ROBO2: variants seen among roughly 807,000 people sequenced by gnomAD.
The protein encoded by ROBO2 is roundabout homolog 2.
In ROBO2, 53 loss-of-function variants were observed where a neutral mutation model predicts 160.8. The ratio of observed to expected loss-of-function variants is 0.33; its 90% CI spans 0.26 to 0.41. The LOEUF is 0.41. Ranked by LOEUF, ROBO2 falls within the 10% of genes least tolerant of loss-of-function variation. The pLI, the probability that ROBO2 is intolerant of heterozygous loss-of-function variation, is 1.00. For missense variants in ROBO2, 1,577 were observed against 1,722.4 expected, an observed-to-expected ratio of 0.92 and a Z score of 1.49; for synonymous variants, 664 against 611.7, an observed-to-expected ratio of 1.09 and a Z score of -1.26.
intron 2 of ROBO2, among the ~76,000 whole-genome samples, chr3:76,020,513 C>G (rs2066543631): frequency 6.6e-6 from 1 of 151,386 alleles, no homozygotes; most frequent in Non-Finnish European, 1.5e-5. Context: ...TAATAGTTAC[C>G]ATGAAATTTT....
chr3:75,935,855 T>C (rs1033470354), intron 1 of ROBO2, among the ~76,000 whole-genome samples: 8 of 152,306 alleles, frequency 5.3e-5, no homozygotes, highest in African/African-American at 1.9e-4. Flanking sequence ...GAAATCGTCC[T>C]GTTTTGTCTC....
intron 16 of ROBO2, among the ~76,000 whole-genome samples, chr3:77,585,575 CA>C (rs2094024740): frequency 6.6e-6 from 1 of 151,928 alleles, no homozygotes; most frequent in African/African-American, 2.4e-5. Context: ...ATGCTGTACT[CA>C]AAATGTAATT....
chr3:76,624,148 A>G (rs182740174), intron 2 of ROBO2, among the ~76,000 whole-genome samples: 351 of 152,360 alleles, frequency 2.3e-3, no homozygotes, highest in African/African-American at 8.2e-3. Flanking sequence ...CTAATGTATT[A>G]ATTTCAACCA....
intron 2 of ROBO2, among the ~76,000 whole-genome samples, chr3:77,126,782 CTTTTTTTTTTTTT>C (rs11365042): frequency 1.3e-4 from 8 of 62,640 alleles, no homozygotes; most frequent in Non-Finnish European, 1.9e-4. Context: ...TTTGAAACTT[CTTTTTTTTTTTTT>C]TTTTTTTTTT....
At chr3:77,120,591 T>C (rs2074656380) in intron 2 of ROBO2, among the ~76,000 whole-genome samples, 1 of 152,214 alleles carries the variant, frequency 6.6e-6, no homozygotes, top group Admixed American at 6.5e-5. Flanking sequence ...TATGCTCATT[T>C]TAGCAGTTGC....
At chr3:76,487,308 C>G (rs1436468061) in intron 2 of ROBO2, among the ~76,000 whole-genome samples, 1 of 151,816 alleles carries the variant, frequency 6.6e-6, no homozygotes, top group Admixed American at 6.6e-5. Flanking sequence ...GCTTTCTGTC[C>G]CGTCACATCC....
intron 18 of ROBO2, among the ~76,000 whole-genome samples, chr3:77,595,784 T>C (rs141843549): frequency 6.6e-5 from 10 of 152,280 alleles, no homozygotes; most frequent in African/African-American, 1.7e-4. Flanking sequence ...AGTTTGTGGA[T>C]GTAGCAAGAA....
At chr3:76,689,182 T>G (rs2092747374) in intron 2 of ROBO2, among the ~76,000 whole-genome samples, 1 of 152,092 alleles carries the variant, frequency 6.6e-6, no homozygotes, top group South Asian at 2.1e-4. Context: ...TTCAATTATG[T>G]TTCAGAAATA....
intron 1 of ROBO2, among the ~76,000 whole-genome samples, chr3:77,087,590 T>A (rs1291482519): frequency 6.6e-6 from 1 of 152,050 alleles, no homozygotes; most frequent in Non-Finnish European, 1.5e-5. Context: ...AGTAGAAGAG[T>A]AATTTGTTAT....
At chr3:76,238,678 C>T (rs1218467022) in intron 2 of ROBO2, among the ~76,000 whole-genome samples, 1 of 151,490 alleles carries the variant, frequency 6.6e-6, no homozygotes, top group African/African-American at 2.4e-5. Flanking sequence ...AGGAAAACCA[C>T]CTCCATGATC....
intron 2 of ROBO2, among the ~76,000 whole-genome samples, chr3:76,788,686 A>G (rs2063153643): frequency 6.6e-6 from 1 of 151,590 alleles, no homozygotes; most frequent in African/African-American, 2.4e-5. Context: ...TGGAATATCT[A>G]TACAGTAGAA....
In ROBO2 at chr3:76,580,328, GT is replaced by G. The variant is rs748888426; in HGVS notation, c.110-517675del. Among the ~76,000 whole-genome samples the G allele has an allele frequency of 1.6e-3, 108 of 67,246 alleles. 2 individuals carry two copies. The highest frequency in any genetic ancestry group is 6.7e-3 in the African/African-American group (95 of 14,134). The allele number at this position is 67,246 out of a possible 152,430, so 44.1% of individuals were successfully genotyped here. On this transcript the variant is annotated intron_variant, in intron 2 of 26. Transcript: ENST00000487694. ...CTAACCCAACCCCTGTTTTTTTTTTGTTTTTTTTTTTGTGTTTTTTTTTTTG... is the reference window on the plus strand; with the variant it reads ...CTAACCCAACCCCTGTTTTTTTTTTGTTTTTTTTTTGTGTTTTTTTTTTTG...
At chr3:76,687,012 T>G (rs944452761) in intron 2 of ROBO2, among the ~76,000 whole-genome samples, 3 of 152,086 alleles carry the variant, frequency 2.0e-5, no homozygotes, top group South Asian at 4.1e-4. Flanking sequence ...GTTTGTCTCT[T>G]GTTTTCTATG....
intron 2 of ROBO2, among the ~76,000 whole-genome samples, chr3:76,100,201 G>T (rs1273629410): frequency 1.3e-5 from 2 of 152,156 alleles, no homozygotes; most frequent in African/African-American, 2.4e-5. Flanking sequence ...TGACTGAAGG[G>T]ATTGTGCTTC....
At position 77,635,052 on chromosome 3, in the gene ROBO2, C is replaced by T; in HGVS notation, c.3934+9C>T. ...GGAAGGAATGACAGATGGTAGGTTT[C>T]TTCCCTTTACTCTTGTTTCCTCGCT... is the stretch of plus-strand genomic sequence containing the variant. On this transcript the variant is annotated intron_variant, in intron 24 of 25. Coordinates refer to ENST00000461745, the Ensembl canonical transcript of ROBO2. The T allele has an allele frequency of 2.5e-6, 4 of 1,613,802 alleles. No individual in the cohort carries two copies. Among genetic ancestry groups the T allele is most frequent in the Non-Finnish European group, 3.4e-6 (4 of 1,179,820 alleles).
chr3:76,839,466 T>C (rs999970987), intron 2 of ROBO2, among the ~76,000 whole-genome samples: 1 of 152,184 alleles, frequency 6.6e-6, no homozygotes, highest in African/African-American at 2.4e-5. Flanking sequence ...ATGTACCACG[T>C]TGATTGATTT....
At chr3:76,026,427 A>C (rs940800085) in intron 2 of ROBO2, among the ~76,000 whole-genome samples, 1 of 151,956 alleles carries the variant, frequency 6.6e-6, no homozygotes, top group Non-Finnish European at 1.5e-5. Context: ...CTTTTTCTCT[A>C]TATACACTTT....
chr3:76,673,194 A>G (rs374779113), intron 2 of ROBO2, among the ~76,000 whole-genome samples: 1 of 150,958 alleles, frequency 6.6e-6, no homozygotes, highest in Admixed American at 6.6e-5. Context: ...AACCCTATAC[A>G]AGATGATTAC....
At chr3:76,245,756 T>C (rs925852497) in intron 2 of ROBO2, among the ~76,000 whole-genome samples, 5 of 152,172 alleles carry the variant, frequency 3.3e-5, no homozygotes, top group Non-Finnish European at 5.9e-5. Context: ...CTCTAGCCAT[T>C]GCTCAGAATA....
Sources: gnomAD v4.1 joint callset for allele counts (sites outside exome capture counted in the v4.1 genomes callset) on GRCh38, gnomAD v4.1.1 for gene constraint, MANE v1.5 for transcripts, NCBI Gene and HGNC (gene_info 2026-07-23, HGNC 2026-07-21) for gene names.